Variants in NOL6 observed in about 807,000 individuals in gnomAD.
NOL6 encodes the protein nucleolar protein 6.
A neutral mutation model predicts 131.7 loss-of-function variants in NOL6; 33 were observed. That is an observed-to-expected ratio of 0.25 (90% CI 0.19 to 0.33). The LOEUF is 0.33. Among genes scored for constraint, NOL6 ranks in the 10% least tolerant of loss-of-function variants. The pLI is 1.00. For synonymous variants in NOL6, 580 were observed against 605.7 expected, an observed-to-expected ratio of 0.96 and a Z score of 0.62; for missense variants, 1,297 against 1,494.5, an observed-to-expected ratio of 0.87 and a Z score of 2.18.
In NOL6 at chr9:33,465,200, G is replaced by T; in HGVS notation, c.2681+7C>A. 1 of 1,586,146 alleles carries T rather than the reference G, an allele frequency of 6.3e-7. No homozygotes were observed. The highest frequency in any genetic ancestry group is 8.6e-7 in the Non-Finnish European group (1 of 1,165,476). ...TTCTCAGCTGGGGAAAAAGTGGAGG[G>T]AATCACCTCGGAGGGGTGAAGGGCT... is the stretch of plus-strand genomic sequence containing the variant. On this transcript the variant is annotated splice_region_variant and intron_variant, in intron 20 of 25. Transcript: ENST00000297990.
rs952725497 is a variant in NOL6 at position 33,468,073 on chromosome 9, T to C, written c.1381A>G (p.Met461Val). The part of the protein sequence containing the change: ...RADDGFHLLL[M>V]TPKPMIRAFD... ...GCCCGGATCATGGGTTTGGGAGTCA[T>C]CAACAGCAGGTGGAACCCGTCGTCA... The change falls in exon 11 of 26, where the codon ATG becomes GTG. Residue 461 changes from methionine (M) to valine (V), a missense_variant. By Grantham distance (21) the Met-to-Val change is conservative. Coordinates refer to ENST00000297990, the MANE Select transcript of NOL6 (RefSeq NM_022917.5). 6.2e-7 allele frequency: 1 copy of C among 1,614,106 alleles called. No homozygotes were observed. Among genetic ancestry groups the C allele is most frequent in the Non-Finnish European group, 8.5e-7 (1 of 1,180,010 alleles).
At chr9:33,463,778 T>C in intron 23 of NOL6, 53 bp downstream of exon 23, 2 of 1,586,140 alleles carry the variant, frequency 1.3e-6, no homozygotes, top group Non-Finnish European at 1.7e-6. Context: ...ACGCTGAACT[T>C]CCAAAGACAG....
Position 33,473,881 on chromosome 9 carries a change from G to C in NOL6, c.-39C>G. The C allele has an allele frequency of 6.2e-7, 1 of 1,608,240 alleles. No homozygotes were observed. The highest frequency in any genetic ancestry group is 8.5e-7 in the Non-Finnish European group (1 of 1,179,624). ...GCACTCTCCCGCACTTCAGATTCTA[G>C]CCGGGTCTATACCTCATAGCTTCCC... On this transcript the variant is annotated 5_prime_UTR_variant, in exon 1 of 26. Coordinates refer to ENST00000297990, the MANE Select transcript of NOL6 (RefSeq NM_022917.5).
chr9:33,473,897 A>G lies in NOL6; in HGVS notation c.-55T>C. The G allele has an allele frequency of 6.3e-7, 1 of 1,592,548 alleles. No homozygotes were observed. On this transcript the variant is annotated 5_prime_UTR_variant, in exon 1 of 26. It removes an upstream start codon present in the reference 5' UTR. Transcript: ENST00000297990. ...CAGATTCTAGCCGGGTCTATACCTC[A>G]TAGCTTCCCACGTGGGCGGAAATGC...
chr9:33,468,630 C>T (rs1205064824), intron 8 of NOL6, 64 bp from the exon 9 acceptor site: 2 of 1,607,134 alleles, frequency 1.2e-6, no homozygotes, highest in Non-Finnish European at 1.7e-6. Context: ...TAATGACACC[C>T]TCCCTCAGCC....
intron 10 of NOL6, 23 bp downstream of exon 10, chr9:33,468,298 A>G (rs1827306632): frequency 6.2e-7 from 1 of 1,612,416 alleles, no homozygotes. Flanking sequence ...TCAGGGGAAC[A>G]CAGATTGGGG....
chr9:33,465,639 T>C (rs909148560), intron 19 of NOL6, 95 bp downstream of exon 19: 2 of 1,351,888 alleles, frequency 1.5e-6, no homozygotes, highest in South Asian at 2.8e-5. Flanking sequence ...CTAACTATGA[T>C]ACCATCTGGC....
rs898734313 is a variant in NOL6 at position 33,473,830 on chromosome 9, G to C, written c.13C>G (p.Pro5Ala). Reference protein sequence around the residue: MGPAPAGEQLRGATG... With the variant: MGPAAAGEQLRGATG... ...GCTCCGCGAAGCTGCTCTCCAGCTG[G>C]CGCCGGCCCCATCACTCAGGGTCCA... The change falls in exon 1 of 26, where the codon CCA becomes GCA. Residue 5 changes from proline (P) to alanine (A), a missense_variant. By Grantham distance (27) the Pro-to-Ala change is conservative (BLOSUM62 -1). Transcript: ENST00000297990. The C allele has an allele frequency of 1.9e-6, 3 of 1,611,130 alleles. No individual in the cohort carries two copies. Among genetic ancestry groups the C allele is most frequent in the Non-Finnish European group, 2.5e-6 (3 of 1,180,016 alleles).
At chr9:33,471,887 T>G in intron 3 of NOL6, 117 bp downstream of exon 3, 1 of 764,140 alleles carries the variant, frequency 1.3e-6, no homozygotes, top group Non-Finnish European at 2.3e-6. Flanking sequence ...TTCCTTGCTG[T>G]GAGAATGAGC....
chr9:33,470,418 C>T (rs1164544634), intron 3 of NOL6: 5 of 326,032 alleles, frequency 1.5e-5, no homozygotes, highest in South Asian at 1.1e-4. Flanking sequence ...ACGAGCCGGG[C>T]GTGGTGGCTC....
In NOL6 at chr9:33,462,147, AG is replaced by A. The variant is rs1827110632; in HGVS notation, c.*516del. 1.4e-6 allele frequency: 1 copy of A among 717,390 alleles called. No individual in the cohort carries two copies. The highest frequency in any genetic ancestry group is 2.6e-6 in the Non-Finnish European group (1 of 385,104). 44.4% of individuals were successfully genotyped at this position (717,390 alleles called of 1,614,324 possible). A position where few individuals can be genotyped will look rare whatever the true frequency, so the allele number is the denominator to read the frequency against. The stretch of plus-strand genomic sequence containing the variant: ...CAATGTGGTCTATTCATACACATAT[AG>A]CCCCTTTCCACTGCTCAGTGTCGGT... On this transcript the variant is annotated 3_prime_UTR_variant, in exon 26 of 26. Transcript: ENST00000297990.
At chr9:33,468,174 G>A (rs769129910) in intron 10 of NOL6, 29 bp from the exon 11 acceptor site, 23 of 1,614,082 alleles carry the variant, frequency 1.4e-5, no homozygotes, top group Middle Eastern at 3.3e-4. Flanking sequence ...CCATCCCTGT[G>A]CCCTTCATTG....
rs777267851 is a variant in NOL6 at position 33,466,683 on chromosome 9, C to G, written c.1977G>C (p.Leu659=). ...KETSSTGEEA[L]VAAVRCYDDL... is the part of the protein sequence containing the mutation. ...CGTCGTAGCAACGTACCGCCGCTAC[C>G]AGGGCCTCCTCACCTGTGCTGGAGG... Residue 659 remains leucine, a synonymous_variant, in exon 16 of 26, where the codon CTG becomes CTC. Transcript: ENST00000297990. The G allele has an allele frequency of 7.4e-6, 12 of 1,613,806 alleles. No homozygotes were observed. The highest frequency in any genetic ancestry group is 5.1e-6 in the Non-Finnish European group (6 of 1,180,034).
intron 8 of NOL6, 52 bp from the exon 9 acceptor site, chr9:33,468,618 C>T (rs1827317218): frequency 1.2e-6 from 2 of 1,608,548 alleles, no homozygotes; most frequent in Non-Finnish European, 8.5e-7. Flanking sequence ...GGGACCCAGC[C>T]CTAATGACAC....
At chr9:33,464,209 C>T (rs1435259117) in intron 21 of NOL6, 48 bp from the exon 22 acceptor site, 8 of 1,557,216 alleles carry the variant, frequency 5.1e-6, no homozygotes, top group Admixed American at 1.8e-5. Flanking sequence ...CCCTGTAAGA[C>T]ACCCTCTACT....
intron 16 of NOL6, 43 bp from the exon 17 acceptor site, chr9:33,466,468 G>A: frequency 3.1e-6 from 5 of 1,612,082 alleles, no homozygotes; most frequent in South Asian, 1.1e-5. Context: ...AGGACTGGGA[G>A]GGAGTGCCCA....
chr9:33,472,951 C>T (rs1266642895), intron 1 of NOL6, among the ~76,000 whole-genome samples: 3 of 128,588 alleles, frequency 2.3e-5, no homozygotes, highest in African/African-American at 9.5e-5. Flanking sequence ...CTAGCCTGGG[C>T]AACAGAGCAA....
Position 33,467,851 on chromosome 9 carries a change from C to A in NOL6, c.1442G>T (p.Arg481Leu), listed in dbSNP as rs370467883. Residue 481 changes from arginine (R) to leucine (L), a missense_variant, in exon 12 of 26, where the codon CGC (arginine) becomes CTC (leucine). Arg to Leu is a moderately radical substitution (Grantham distance 102). Transcript: ENST00000297990. This position sits in a 1 kb window ranked among gnomAD's most constrained non-coding sequence, Gnocchi z 4.4. ...DHVLHLRPLS[R>L]LQAACHRLKL... ...CAGCCGGTGGCACGCTGCCTGCAGG[C>A]GACTCAGTGGACGGAGACTGGAGGG... 1.3e-6 allele frequency: 2 copies of A among 1,592,132 alleles called. No homozygotes were observed. Among genetic ancestry groups the A allele is most frequent in the African/African-American group, 1.3e-5 (1 of 74,346 alleles).
chr9:33,473,043 A>G (rs1244548960), intron 1 of NOL6, among the ~76,000 whole-genome samples: 1 of 151,730 alleles, frequency 6.6e-6, no homozygotes, highest in African/African-American at 2.4e-5. Context: ...ATTTTCAGGA[A>G]GTTTCCTCTT....
Sources: allele counts gnomAD v4.1 joint callset (sites outside exome capture counted in the v4.1 genomes callset), GRCh38; gene constraint gnomAD v4.1.1; non-coding constraint Gnocchi (gnomAD v3.1); transcripts MANE v1.5; gene names NCBI Gene and HGNC (gene_info 2026-07-23, HGNC 2026-07-21).